ASAP3: variants seen among roughly 807,000 people sequenced by gnomAD.
The protein encoded by ASAP3 is arf-GAP with SH3 domain, ANK repeat and PH domain-containing protein 3.
ASAP3 carries 85 observed loss-of-function variants against 118.2 expected under a neutral mutation model. That is an observed-to-expected ratio of 0.72 (90% CI 0.60 to 0.86). The LOEUF is 0.86. Among genes scored for constraint, ASAP3 ranks in the 40% least tolerant of loss-of-function variants. The pLI is 0.00. For missense variants in ASAP3, 1,026 were observed against 1,175.0 expected (o/e 0.87, Z 1.85); for synonymous variants, 432 against 477.4 (o/e 0.90, Z 1.24).
intron 10 of ASAP3, among the ~76,000 whole-genome samples, chr1:23,440,197 T>C (rs1640812390): frequency 1.3e-5 from 2 of 151,178 alleles, no homozygotes; most frequent in South Asian, 4.2e-4. Context: ...ATTCAGTATA[T>C]TGCAGAGATT....
At chr1:23,469,890 C>A (rs993162804) in intron 1 of ASAP3, among the ~76,000 whole-genome samples, 1 of 152,138 alleles carries the variant, frequency 6.6e-6, no homozygotes, top group South Asian at 2.1e-4. Flanking sequence ...AAGCAAACTA[C>A]GAGCTAAATC....
intron 1 of ASAP3, among the ~76,000 whole-genome samples, chr1:23,466,174 C>T (rs986659955): frequency 6.6e-6 from 1 of 152,198 alleles, no homozygotes; most frequent in Non-Finnish European, 1.5e-5. Context: ...CAGACTTCAG[C>T]TCAAACAGGG....
At chr1:23,450,497 G>C (rs2148628969) in intron 5 of ASAP3, among the ~76,000 whole-genome samples, 1 of 150,344 alleles carries the variant, frequency 6.7e-6, no homozygotes. Context: ...ATGTTAAAAT[G>C]TTAATATTTT....
intron 5 of ASAP3, among the ~76,000 whole-genome samples, chr1:23,444,827 A>G (rs1039619720): frequency 6.6e-6 from 1 of 152,160 alleles, no homozygotes; most frequent in Admixed American, 6.5e-5. Context: ...TTTTGGCCAG[A>G]TGATTCTTTG....
At chr1:23,483,304 T>C in intron 1 of ASAP3, among the ~76,000 whole-genome samples, 1 of 152,146 alleles carries the variant, frequency 6.6e-6, no homozygotes, top group East Asian at 1.9e-4. Context: ...TAGAATATTC[T>C]TTGCAGAGGA....
intron 10 of ASAP3, among the ~76,000 whole-genome samples, chr1:23,440,370 G>A (rs1176703908): frequency 7.5e-5 from 11 of 146,650 alleles, no homozygotes; most frequent in African/African-American, 2.2e-4. Flanking sequence ...GCGTAGTGGC[G>A]GGCACCTGTA....
Position 23,437,345 on chromosome 1 carries a change from T to C in ASAP3, c.1152-25A>G. On this transcript the variant is annotated intron_variant, in intron 13 of 24. Transcript: ENST00000336689. The surrounding 1 kb of genome is among the most constrained non-coding windows in gnomAD (Gnocchi z 6.1). ...CCTGCGGAGATTGAACGGGGTGGGA[T>C]GGGGATGTCAAGTGGGAAGAGATAG... is the stretch of plus-strand genomic sequence containing the variant. The C allele has an allele frequency of 6.2e-7, 1 of 1,608,978 alleles. No individual in the cohort carries two copies. Among genetic ancestry groups the C allele is most frequent in the Non-Finnish European group, 8.5e-7 (1 of 1,176,802 alleles).
intron 1 of ASAP3, among the ~76,000 whole-genome samples, chr1:23,461,820 A>G (rs371696891): frequency 9.9e-5 from 15 of 152,204 alleles, no homozygotes; most frequent in Admixed American, 5.9e-4. Context: ...TGGATGGCGG[A>G]GCAACAAGAT....
chr1:23,459,452 CG>C (rs1245243580), intron 1 of ASAP3, among the ~76,000 whole-genome samples: 1 of 152,002 alleles, frequency 6.6e-6, no homozygotes, highest in Admixed American at 6.6e-5. Flanking sequence ...TAGCCAGAGT[CG>C]ACAGACACCT....
At position 23,438,687 on chromosome 1, in the gene ASAP3, A is replaced by C. The variant is rs1640759478; in HGVS notation, c.1102+60T>G. On this transcript the variant is annotated intron_variant, in intron 12 of 24. Transcript: ENST00000336689. The surrounding 1 kb of genome is among the most constrained non-coding windows in gnomAD (Gnocchi z 4.9). ...TCACTGAAGCCCCCCGGGAGCTGAC[A>C]GGTGTCTTAGAGAAGCCCTGAGCAG... 6.0e-6 allele frequency: 9 copies of C among 1,506,692 alleles called. No individual in the cohort carries two copies. The highest frequency in any genetic ancestry group is 8.3e-6 in the Non-Finnish European group (9 of 1,084,600). 93.3% of individuals were successfully genotyped at this position (1,506,692 alleles called of 1,614,324 possible). A position where few individuals can be genotyped will look rare whatever the true frequency, so the allele number is the denominator to read the frequency against.
rs200935615 is a variant in ASAP3 at position 23,457,554 on chromosome 1, T to C, written c.130-1360A>G. ...TTTTTGAGACCAAGTTTTGCTCTTG[T>C]TGCTCAGGCTGGAGTGCAGTTGCAC... On this transcript the variant is annotated intron_variant, in intron 1 of 24. Coordinates refer to ENST00000336689, the MANE Select transcript of ASAP3 (RefSeq NM_017707.4). 2.0e-5 allele frequency among the ~76,000 whole-genome samples: 3 copies of C among 152,304 alleles called. No homozygotes were observed. The East Asian group carries it at 5.8e-4, about 29-fold the overall frequency.
At chr1:23,440,114 C>T (rs1640809073) in intron 10 of ASAP3, among the ~76,000 whole-genome samples, 1 of 149,022 alleles carries the variant, frequency 6.7e-6, no homozygotes, top group Admixed American at 6.7e-5. Context: ...CTGCACCTGG[C>T]CCACAGACTG....
At chr1:23,469,038 C>T (rs1641878483) in intron 1 of ASAP3, among the ~76,000 whole-genome samples, 2 of 151,722 alleles carry the variant, frequency 1.3e-5, no homozygotes, top group Admixed American at 1.3e-4. Context: ...GGTGTTGTGG[C>T]TCCTGCCTGT....
intron 1 of ASAP3, among the ~76,000 whole-genome samples, chr1:23,473,550 GAT>G (rs1350977296): frequency 6.6e-6 from 1 of 152,196 alleles, no homozygotes; most frequent in Non-Finnish European, 1.5e-5. Flanking sequence ...GTCTGAGAAT[GAT>G]ATGATCAAAT....
chr1:23,457,044 T>C (rs1641411650), intron 1 of ASAP3, among the ~76,000 whole-genome samples: 1 of 152,162 alleles, frequency 6.6e-6, no homozygotes, highest in African/African-American at 2.4e-5. Context: ...GGCATGGAAG[T>C]TGACAACCTC....
chr1:23,458,008 AG>A (rs1414522992), intron 1 of ASAP3, among the ~76,000 whole-genome samples: 1 of 152,370 alleles, frequency 6.6e-6, no homozygotes, highest in East Asian at 1.9e-4. Flanking sequence ...TGCTGATGCT[AG>A]GAAGGTCTGC....
In ASAP3 at chr1:23,436,696, G is replaced by T; in HGVS notation, c.1477-42C>A. 2 of 1,611,640 alleles carry T rather than the reference G, an allele frequency of 1.2e-6. No individual in the cohort carries two copies. Among genetic ancestry groups the T allele is most frequent in the East Asian group, 2.2e-5 (1 of 44,862 alleles). ...ATAGACGTGGGGCGGAGTAAGACCG[G>T]GCGGTTAAGCCTGCATAGGGTGGAG... is the stretch of plus-strand genomic sequence containing the variant. On this transcript the variant is annotated intron_variant, in intron 15 of 24. Coordinates refer to ENST00000336689, the MANE Select transcript of ASAP3 (RefSeq NM_017707.4). This position sits in a 1 kb window ranked among gnomAD's most constrained non-coding sequence, Gnocchi z 4.2.
intron 3 of ASAP3, among the ~76,000 whole-genome samples, chr1:23,454,803 A>T (rs1641332580): frequency 6.6e-6 from 1 of 152,244 alleles, no homozygotes; most frequent in South Asian, 2.1e-4. Context: ...CTTAATCCTC[A>T]TTACCGCTCT....
rs765992042 is a variant in ASAP3, at chr1:23,433,625, C to G, written c.2019+1G>C. The G allele has an allele frequency of 9.9e-6, 16 of 1,614,234 alleles. No homozygotes were observed. The East Asian group carries it at 3.3e-4, about 34-fold the overall frequency. On this transcript the variant is annotated splice_donor_variant, in intron 20 of 24. Coordinates refer to ENST00000336689, the MANE Select transcript of ASAP3 (RefSeq NM_017707.4). LOFTEE classifies it high-confidence loss of function. ...GGCCCCTTGCCTCCCCGAGTCCTCA[C>G]CAGCTCCTCACACTCCTTGTGGTGC... is the stretch of plus-strand genomic sequence containing the variant.
Sources: allele counts gnomAD v4.1 joint callset (sites outside exome capture counted in the v4.1 genomes callset), GRCh38; gene constraint gnomAD v4.1.1; non-coding constraint Gnocchi (gnomAD v3.1); transcripts MANE v1.5; gene names NCBI Gene and HGNC (gene_info 2026-07-23, HGNC 2026-07-21).